The following TET1 variants were observed in gnomAD, a reference collection of about 807,000 sequenced individuals.
TET1 encodes tet methylcytosine dioxygenase 1.
TET1 carries 13 observed loss-of-function variants against 148.7 expected under a neutral mutation model. That is an observed-to-expected ratio of 0.09 (90% CI 0.06 to 0.14). TET1 has a LOEUF of 0.14. TET1 is among the 10% of genes least tolerant of loss of function. The pLI, the probability that TET1 is intolerant of heterozygous loss-of-function variation, is 1.00. For synonymous variants in TET1, 907 were observed against 937.2 expected, an observed-to-expected ratio of 0.97 and a Z score of 0.59; for missense variants, 2,182 against 2,553.8, an observed-to-expected ratio of 0.85 and a Z score of 3.14.
At position 68,644,797 on chromosome 10, in the gene TET1, C is replaced by G. The variant is rs751530798; in HGVS notation, c.2068C>G (p.His690Asp). 1.2e-6 allele frequency: 2 copies of G among 1,613,992 alleles called. No individual in the cohort carries two copies. Among genetic ancestry groups the G allele is most frequent in the Non-Finnish European group, 1.7e-6 (2 of 1,179,972 alleles). ...GEEQKLELNP[H>D]TVENVTKNED... ...AGAACAAAAATTGGAATTGAACCCA[C>G]ATACTGTTGAAAATGTAACTAAAAA... Residue 690 changes from histidine to aspartate, a missense_variant, in exon 4 of 12, where the codon CAT becomes GAT. His to Asp is a moderately conservative substitution (Grantham distance 81). Coordinates refer to ENST00000373644, the MANE Select transcript of TET1 (RefSeq NM_030625.3).
At chr10:68,586,485 G>GTTTTTTT (rs11437924) in intron 2 of TET1, among the ~76,000 whole-genome samples, 3 of 133,502 alleles carry the variant, frequency 2.2e-5, no homozygotes, top group South Asian at 4.8e-4. Flanking sequence ...GCCAGCTAAC[G>GTTTTTTT]TTTTTTTTTT....
At position 68,573,590 on chromosome 10, in the gene TET1, A is replaced by C; in HGVS notation, c.1252A>C (p.Thr418Pro). ...TGGTACTATTTTAGACCAACAAGAA[A>C]CTCTTGGTATGAGTGGGAGTGTTGT... ...VFGTILDQQETLGMSGSVVPD... is the reference protein window; with the variant it reads ...VFGTILDQQEPLGMSGSVVPD... The change falls in exon 2 of 12, where the codon ACT becomes CCT. Residue 418 changes from threonine (T) to proline (P), a missense_variant. Physicochemically the swap from Thr to Pro is conservative, Grantham distance 38. Around this residue, in one of 11 missense-constraint regions of TET1, gnomAD observed 665 missense variants for 672.4 expected, o/e 0.99. Coordinates refer to ENST00000373644, the MANE Select transcript of TET1 (RefSeq NM_030625.3). The C allele has an allele frequency of 6.2e-7, 1 of 1,613,902 alleles. No individual in the cohort carries two copies. Among genetic ancestry groups the C allele is most frequent in the Non-Finnish European group, 8.5e-7 (1 of 1,179,966 alleles).
At position 68,572,518 on chromosome 10, in the gene TET1, A is replaced by T. The variant is rs2053681459; in HGVS notation, c.180A>T (p.Lys60Asn). The T allele has an allele frequency of 6.2e-7, 1 of 1,613,450 alleles. No homozygotes were observed. The highest frequency in any genetic ancestry group is 1.3e-5 in the African/African-American group (1 of 74,810). ...TAATTCAAGAAAGAGATGTTAAGAAAAAAACAGAACCTAAACCACCCGTGC... is the reference window on the plus strand; with the variant it reads ...TAATTCAAGAAAGAGATGTTAAGAATAAAACAGAACCTAAACCACCCGTGC... ...KQLIQERDVK[K>N]KTEPKPPVPV... The change falls in exon 2 of 12, where the codon AAA (lysine) becomes AAT (asparagine). Residue 60 changes from lysine to asparagine, a missense_variant. Lys to Asn is a moderately conservative substitution (Grantham distance 94, BLOSUM62 0). Around this residue, in one of 11 missense-constraint regions of TET1, gnomAD observed 665 missense variants for 672.4 expected, o/e 0.99. Transcript: ENST00000373644.
intron 2 of TET1, among the ~76,000 whole-genome samples, chr10:68,581,829 C>T (rs892353568): frequency 1.4e-4 from 21 of 145,808 alleles, no homozygotes; most frequent in African/African-American, 5.1e-4. Flanking sequence ...AGAGTGAGAC[C>T]GTGTCTCAAA....
chr10:68,661,886 T>C (rs1238849663), intron 6 of TET1, among the ~76,000 whole-genome samples: 6 of 149,162 alleles, frequency 4.0e-5, no homozygotes, highest in Non-Finnish European at 5.9e-5. Flanking sequence ...TTTTCTTTTT[T>C]TTTTTTTTTT....
intron 3 of TET1, among the ~76,000 whole-genome samples, chr10:68,626,110 G>GAAAAAA (rs11374052): frequency 5.9e-5 from 6 of 102,326 alleles, no homozygotes; most frequent in East Asian, 2.8e-4. Context: ...AAAAAAAAAA[G>GAAAAAA]AAAAGAAAAA....
intron 1 of TET1, among the ~76,000 whole-genome samples, chr10:68,566,823 C>CTCT (rs1554927984): frequency 2.3e-5 from 3 of 131,122 alleles, no homozygotes; most frequent in South Asian, 2.3e-4. Flanking sequence ...CTCTCTCTCT[C>CTCT]TTTTTTTTTT....
intron 1 of TET1, among the ~76,000 whole-genome samples, chr10:68,562,479 A>G (rs1250643123): frequency 1.3e-5 from 2 of 152,190 alleles, no homozygotes; most frequent in Non-Finnish European, 2.9e-5. Flanking sequence ...TTTTATCGGT[A>G]TTGATCATAC....
intron 2 of TET1, among the ~76,000 whole-genome samples, chr10:68,598,578 C>T (rs1342806552): frequency 2.0e-5 from 3 of 152,048 alleles, no homozygotes; most frequent in Admixed American, 1.3e-4. Flanking sequence ...ATAGTGTGGG[C>T]TTAGTGTGCT....
At chr10:68,607,411 T>G (rs1248822428) in intron 3 of TET1, among the ~76,000 whole-genome samples, 2 of 151,272 alleles carry the variant, frequency 1.3e-5, no homozygotes, top group Non-Finnish European at 2.9e-5. Context: ...ATCTTAAGTT[T>G]TTTTTTTTTG....
intron 2 of TET1, among the ~76,000 whole-genome samples, chr10:68,584,624 G>T (rs1285047509): frequency 6.6e-6 from 1 of 150,734 alleles, no homozygotes; most frequent in Non-Finnish European, 1.5e-5. Context: ...CAGGAGAATT[G>T]CTTGAACCCA....
intron 3 of TET1, among the ~76,000 whole-genome samples, chr10:68,617,166 C>T (rs2054305214): frequency 6.7e-6 from 1 of 149,212 alleles, no homozygotes; most frequent in Non-Finnish European, 1.5e-5. Flanking sequence ...GGACTATAGG[C>T]GCCTGCCACC....
At chr10:68,620,099 C>T (rs2054348801) in intron 3 of TET1, among the ~76,000 whole-genome samples, 1 of 152,132 alleles carries the variant, frequency 6.6e-6, no homozygotes, top group African/African-American at 2.4e-5. Flanking sequence ...GAGGCTGAGG[C>T]AGAGAGAATT....
Position 68,664,330 on chromosome 10 carries a change from T to C in TET1, c.4462-2715T>C, listed in dbSNP as rs113846378. Among the ~76,000 whole-genome samples the C allele has an allele frequency of 5.0e-3, 764 of 152,208 alleles. 9 individuals are homozygous for C. The highest frequency in any genetic ancestry group is 0.018 in the African/African-American group (728 of 41,534). On this transcript the variant is annotated intron_variant, in intron 6 of 11. Transcript: ENST00000373644. ...GCCAAATATATGTAATGTAAATATATATAATGTGTATATATATATCATGTC... is the reference window on the plus strand; with the variant it reads ...GCCAAATATATGTAATGTAAATATACATAATGTGTATATATATATCATGTC...
chr10:68,565,475 A>AAAATAT (rs1388182777), intron 1 of TET1, among the ~76,000 whole-genome samples: 1,339 of 129,136 alleles, frequency 0.01, 20 homozygotes, highest in South Asian at 0.024. Context: ...AAAAAAAAAA[A>AAAATAT]ATATATATAT....
At chr10:68,611,034 C>T (rs1437716666) in intron 3 of TET1, among the ~76,000 whole-genome samples, 1 of 152,080 alleles carries the variant, frequency 6.6e-6, no homozygotes, top group East Asian at 1.9e-4. Context: ...GTGGCTCATG[C>T]CTGTAATCCC....
intron 3 of TET1, among the ~76,000 whole-genome samples, chr10:68,635,728 T>C (rs1357763717): frequency 1.3e-5 from 2 of 152,190 alleles, no homozygotes; most frequent in Admixed American, 6.5e-5. Flanking sequence ...AGGTGGCATA[T>C]GCCTGTAATC....
intron 3 of TET1, among the ~76,000 whole-genome samples, chr10:68,611,894 AAAGG>A (rs367572555): frequency 1.0e-4 from 15 of 146,492 alleles, no homozygotes; most frequent in East Asian, 2.0e-4. Context: ...GGGAGGGGAG[AAAGG>A]AAGGAAGGAA....
chr10:68,595,959 TATACAC>T (rs67540335), intron 2 of TET1, among the ~76,000 whole-genome samples: 609 of 37,568 alleles, frequency 0.016, 1 homozygote, highest in Non-Finnish European at 0.024. Context: ...TATATATATA[TATACAC>T]ACACACACAC....
Sources: allele counts gnomAD v4.1 joint callset (sites outside exome capture counted in the v4.1 genomes callset), GRCh38; gene constraint gnomAD v4.1.1; regional missense constraint gnomAD v4.1.1; transcripts MANE v1.5; gene names NCBI Gene and HGNC (gene_info 2026-07-23, HGNC 2026-07-21).